Variants in VCL observed in about 807,000 individuals in gnomAD.
VCL encodes epididymis luminal protein 114.
A neutral mutation model predicts 125.7 loss-of-function variants in VCL; 47 were observed. The observed-to-expected ratio is 0.37, with a 90% CI of 0.30 to 0.48. The LOEUF (loss-of-function observed/expected upper bound fraction) is 0.48, where lower values mean the gene tolerates loss of function less well. VCL is among the 20% of genes least tolerant of loss of function. The probability of loss-of-function intolerance (pLI) is 0.99; values close to 1 mark genes in which losing one functional copy is unlikely to be tolerated. For synonymous variants in VCL, 458 were observed against 514.6 expected (o/e 0.89, Z 1.49); for missense variants, 1,069 against 1,455.5 (o/e 0.73, Z 4.32).
intron 16 of VCL, 74 bp downstream of exon 16, chr10:74,105,427 C>T: frequency 1.3e-6 from 2 of 1,577,964 alleles, no homozygotes; most frequent in Non-Finnish European, 1.7e-6. Context: ...GGAATATGTA[C>T]CCCACAACCA....
rs1840364913 is a variant in VCL at position 74,119,219 on chromosome 10, G to GTGTT, written c.*1055_*1058dup. ...TAAACAAGATTTTAAAGACATGTAG[G>GTGTT]TGTTTGTTCATCTGTAACTCTAAAA... On this transcript the variant is annotated 3_prime_UTR_variant, in exon 22 of 22. Coordinates refer to ENST00000211998, the MANE Select transcript of VCL (RefSeq NM_014000.3). 1 of 152,614 alleles carries GTGTT rather than the reference G, an allele frequency of 6.6e-6. No homozygotes were observed. Among genetic ancestry groups the GTGTT allele is most frequent in the African/African-American group, 2.4e-5 (1 of 41,436 alleles). 9.5% of individuals were successfully genotyped at this position (152,614 alleles called of 1,614,324 possible). A position where few individuals can be genotyped will look rare whatever the true frequency, so the allele number is the denominator to read the frequency against.
Position 74,105,204 on chromosome 10 carries a change from G to A in VCL, c.2285G>A (p.Arg762Gln), listed in dbSNP as rs540039788. ...GATSIARRAN[R>Q]ILLVAKREVE... ...ACCAGTATTGCTCGTCGGGCCAACC[G>A]GATCCTGCTGGTGGCTAAGAGGGAG... Residue 762 changes from arginine (R) to glutamine (Q), a missense_variant, in exon 16 of 22, where the codon CGG becomes CAG. By Grantham distance (43) the Arg-to-Gln change is conservative. This residue lies in a region of VCL where 760 missense variants were observed against 928.9 expected (regional missense o/e 0.82). Coordinates refer to ENST00000211998, the MANE Select transcript of VCL (RefSeq NM_014000.3). The A allele has an allele frequency of 1.4e-5, 23 of 1,614,028 alleles. No individual in the cohort carries two copies. Among genetic ancestry groups the A allele is most frequent in the Non-Finnish European group, 1.9e-5 (22 of 1,180,012 alleles).
intron 1 of VCL, among the ~76,000 whole-genome samples, chr10:74,040,391 A>G (rs111941872): frequency 2.9e-3 from 435 of 152,302 alleles, no homozygotes; most frequent in Non-Finnish European, 4.6e-3. Flanking sequence ...GAACTCACCT[A>G]GTTCTCCCTC....
intron 2 of VCL, among the ~76,000 whole-genome samples, chr10:74,066,062 T>TATATATATATATATATATATATATATA (rs1491467672): frequency 8.0e-6 from 1 of 124,660 alleles, no homozygotes; most frequent in African/African-American, 3.1e-5. Flanking sequence ...TATATATATA[T>TATATATATATATATATATATATATATA]TTTTTTTTTT....
intron 14 of VCL, among the ~76,000 whole-genome samples, chr10:74,101,872 T>G (rs1840063315): frequency 6.6e-6 from 1 of 151,312 alleles, no homozygotes; most frequent in South Asian, 2.1e-4. Flanking sequence ...CTTTTTTTTT[T>G]TTTTTTTTGA....
chr10:74,015,581 TA>T lies in VCL; in HGVS notation c.168+17207del, dbSNP rs374205268. 3.0e-4 allele frequency among the ~76,000 whole-genome samples: 46 copies of T among 152,324 alleles called. No homozygotes were observed. The South Asian group carries it at 9.5e-3, about 32-fold the overall frequency. On this transcript the variant is annotated intron_variant, in intron 1 of 21. Coordinates refer to ENST00000211998, the MANE Select transcript of VCL (RefSeq NM_014000.3). ...TATATTTCCCACTTGGTAATTTCTT[TA>T]GTTCTTCCAGTTTGCTAATTCTTGT...
At chr10:74,070,332 T>G (rs1181476389) in intron 2 of VCL, among the ~76,000 whole-genome samples, 1 of 152,202 alleles carries the variant, frequency 6.6e-6, no homozygotes, top group Non-Finnish European at 1.5e-5. Flanking sequence ...TAGAGCAACC[T>G]GAAGTCAAAG....
At chr10:74,021,680 T>C (rs1337526316) in intron 1 of VCL, among the ~76,000 whole-genome samples, 1 of 152,226 alleles carries the variant, frequency 6.6e-6, no homozygotes, top group African/African-American at 2.4e-5. Context: ...CTAAAGCTTC[T>C]GTAAAAAGGC....
intron 6 of VCL, chr10:74,075,958 G>T (rs796572549): frequency 1.8e-4 from 28 of 152,724 alleles, no homozygotes; most frequent in Middle Eastern, 3.4e-3. Flanking sequence ...TAGATTCTAA[G>T]ACTGTATTTT....
chr10:74,107,951 A>G (rs1228978821), intron 17 of VCL, among the ~76,000 whole-genome samples: 1 of 152,230 alleles, frequency 6.6e-6, no homozygotes, highest in African/African-American at 2.4e-5. Context: ...AGAAACAGAA[A>G]TAGTGATTAT....
At chr10:74,104,477 A>G (rs1001470469) in intron 15 of VCL, among the ~76,000 whole-genome samples, 1 of 152,114 alleles carries the variant, frequency 6.6e-6, no homozygotes, top group African/African-American at 2.4e-5. Context: ...GAGAGATAGG[A>G]AAGAAGGAAT....
At chr10:74,011,222 T>C (rs952738213) in intron 1 of VCL, among the ~76,000 whole-genome samples, 21 of 145,974 alleles carry the variant, frequency 1.4e-4, no homozygotes, top group African/African-American at 5.3e-4. Flanking sequence ...TTGATTAAAT[T>C]AAGTATGTGC....
chr10:74,095,940 T>C (rs1392457984), intron 12 of VCL, 85 bp downstream of exon 12: 14 of 1,499,680 alleles, frequency 9.3e-6, no homozygotes, highest in African/African-American at 1.4e-5. Flanking sequence ...TTTTGAAAAA[T>C]ACATAATTTC....
intron 5 of VCL, 83 bp downstream of exon 5, chr10:74,072,935 G>C (rs879023209): frequency 8.5e-6 from 13 of 1,526,422 alleles, no homozygotes; most frequent in Middle Eastern, 1.9e-4. Context: ...GTTTTCTTTT[G>C]TTTTCTTTTC....
chr10:74,092,710 A>G (rs1839908426), intron 10 of VCL, among the ~76,000 whole-genome samples: 2 of 152,182 alleles, frequency 1.3e-5, no homozygotes, highest in Non-Finnish European at 2.9e-5. Context: ...TTTTTGAAAT[A>G]TGGACCCAGG....
In VCL at chr10:74,090,015, ATGT is replaced by A; in HGVS notation, c.1177-7_1177-5del. On this transcript the variant is annotated splice_region_variant and splice_polypyrimidine_tract_variant and intron_variant, in intron 9 of 21. Coordinates refer to ENST00000211998, the MANE Select transcript of VCL (RefSeq NM_014000.3). The stretch of plus-strand genomic sequence containing the variant: ...CACAGCGTGCTGCTTCTCCGTTTCT[ATGT>A]GTAGAACTGGCTTGCAGATCCAAAT... The A allele has an allele frequency of 6.2e-7, 1 of 1,614,158 alleles. No homozygotes were observed. The highest frequency in any genetic ancestry group is 1.1e-5 in the South Asian group (1 of 91,088).
intron 8 of VCL, among the ~76,000 whole-genome samples, chr10:74,085,924 A>G (rs1460986144): frequency 1.3e-5 from 2 of 152,012 alleles, no homozygotes; most frequent in Non-Finnish European, 2.9e-5. Flanking sequence ...CTGGAGTGCA[A>G]TAGCATGATC....
intron 10 of VCL, among the ~76,000 whole-genome samples, chr10:74,093,639 T>G (rs1039081665): frequency 4.0e-5 from 6 of 151,774 alleles, no homozygotes; most frequent in Non-Finnish European, 8.8e-5. Context: ...ACGAAATATT[T>G]TTTTTTTTAA....
At chr10:74,076,452 G>C (rs952270885) in intron 6 of VCL, 1 of 152,656 alleles carries the variant, frequency 6.6e-6, no homozygotes, top group African/African-American at 2.4e-5. Flanking sequence ...GGATTCCCCA[G>C]GTAGCTGGGA....
Sources: allele counts gnomAD v4.1 joint callset (sites outside exome capture counted in the v4.1 genomes callset), GRCh38; gene constraint gnomAD v4.1.1; regional missense constraint gnomAD v4.1.1; transcripts MANE v1.5; gene names NCBI Gene and HGNC (gene_info 2026-07-23, HGNC 2026-07-21).